The following FREM2 variants were observed in gnomAD, a reference collection of about 807,000 sequenced individuals.
FREM2 encodes the protein FRAS1-related extracellular matrix protein 2.
A neutral mutation model predicts 219.9 loss-of-function variants in FREM2; 119 were observed. The ratio of observed to expected loss-of-function variants is 0.54; its 90% CI spans 0.47 to 0.63. The LOEUF (loss-of-function observed/expected upper bound fraction) is 0.63. FREM2 is among the 30% of genes least tolerant of loss of function. The pLI, the probability that FREM2 is intolerant of heterozygous loss-of-function variation, is 0.00. For missense variants in FREM2, 4,030 were observed against 3,993.6 expected (o/e 1.01, Z -0.25); for synonymous variants, 1,562 against 1,522.8 (o/e 1.03, Z -0.60).
At chr13:38,768,683 G>T (rs1423920105) in intron 3 of FREM2, among the ~76,000 whole-genome samples, 1 of 152,186 alleles carries the variant, frequency 6.6e-6, no homozygotes, top group Non-Finnish European at 1.5e-5. Context: ...GACTCATTAA[G>T]AGGTTCTGGT....
chr13:38,719,905 T>C (rs1379777323), intron 2 of FREM2, among the ~76,000 whole-genome samples: 1 of 152,202 alleles, frequency 6.6e-6, no homozygotes, highest in African/African-American at 2.4e-5. Flanking sequence ...ACTTGCTGCC[T>C]GTCACAATAC....
chr13:38,801,798 G>T (rs1459731779), intron 6 of FREM2, among the ~76,000 whole-genome samples: 1 of 152,118 alleles, frequency 6.6e-6, no homozygotes, highest in African/African-American at 2.4e-5. Context: ...GGTCATGGTG[G>T]CCCAGTTCGT....
chr13:38,817,008 A>G (rs192644252), intron 6 of FREM2, among the ~76,000 whole-genome samples: 24 of 152,254 alleles, frequency 1.6e-4, no homozygotes, highest in Non-Finnish European at 2.9e-4. Context: ...AATTTAGTCA[A>G]GGAGGTGAAA....
At chr13:38,847,397 C>G (rs1877205842) in intron 7 of FREM2, among the ~76,000 whole-genome samples, 1 of 152,126 alleles carries the variant, frequency 6.6e-6, no homozygotes, top group Non-Finnish European at 1.5e-5. Context: ...TCACACAAAG[C>G]AAGCACAGGT....
chr13:38,795,305 T>C (rs993180532), intron 6 of FREM2, among the ~76,000 whole-genome samples: 118 of 146,790 alleles, frequency 8.0e-4, no homozygotes, highest in African/African-American at 2.8e-3. Flanking sequence ...GGATGAGGTG[T>C]CCTATATGGC....
chr13:38,841,264 A>C (rs1052626211), intron 6 of FREM2, among the ~76,000 whole-genome samples: 12 of 152,170 alleles, frequency 7.9e-5, no homozygotes, highest in Admixed American at 2.0e-4. Flanking sequence ...TAATACGCGG[A>C]TTGCTGACTC....
rs1877992590 is a variant in FREM2 at position 38,866,995 on chromosome 13, CT to C, written c.7983+2392del. On this transcript the variant is annotated intron_variant, in intron 16 of 23. Coordinates refer to ENST00000280481, the MANE Select transcript of FREM2 (RefSeq NM_207361.6). ...ATTTAGATCAGCTAAAGTGACTATA[CT>C]TTGCTAGATTTTTAAAATTCCAGTT... Among the ~76,000 whole-genome samples, 3 of 152,274 alleles carry C rather than the reference CT, an allele frequency of 2.0e-5. No homozygotes were observed. In the South Asian group the frequency reaches 6.2e-4, roughly 32 times the overall value.
At chr13:38,711,975 A>AGTG (rs1345256837) in intron 2 of FREM2, among the ~76,000 whole-genome samples, 1 of 136,118 alleles carries the variant, frequency 7.3e-6, no homozygotes, top group African/African-American at 2.9e-5. Context: ...GCTGGAGTGC[A>AGTG]GTGGTGTGAT....
Position 38,874,505 on chromosome 13 carries a change from C to A in FREM2, c.8200C>A (p.Arg2734Ser). 6.2e-7 allele frequency: 1 copy of A among 1,614,020 alleles called. No homozygotes were observed. The highest frequency in any genetic ancestry group is 8.5e-7 in the Non-Finnish European group (1 of 1,179,882). ...LQGSLYPTSM[R>S]IGDEGRLAVH... The stretch of plus-strand genomic sequence containing the variant: ...AGGTTCTCTCTATCCAACCAGCATG[C>A]GCATCGGTGATGAGGGGCGCTTGGC... The change falls in exon 18 of 24, where the codon CGC (arginine) becomes AGC (serine). Residue 2734 changes from arginine to serine, a missense_variant. Transcript: ENST00000280481.
chr13:38,718,003 A>G (rs1257878660), intron 2 of FREM2, among the ~76,000 whole-genome samples: 2 of 152,222 alleles, frequency 1.3e-5, no homozygotes, highest in Non-Finnish European at 2.9e-5. Flanking sequence ...CAAAACTAAA[A>G]ATAACCAACC....
chr13:38,855,005 T>C (rs186847872), intron 11 of FREM2, among the ~76,000 whole-genome samples: 109 of 152,298 alleles, frequency 7.2e-4, no homozygotes, highest in South Asian at 1.7e-3. Context: ...TCTTAAAAGG[T>C]ATAGTAAAAC....
chr13:38,809,713 A>G (rs1300281599), intron 6 of FREM2, among the ~76,000 whole-genome samples: 1 of 152,064 alleles, frequency 6.6e-6, no homozygotes, highest in Non-Finnish European at 1.5e-5. Flanking sequence ...AGTTAGTACC[A>G]TGCTGTTTTG....
At chr13:38,731,209 G>GAT (rs1018191251) in intron 2 of FREM2, among the ~76,000 whole-genome samples, 1 of 152,096 alleles carries the variant, frequency 6.6e-6, no homozygotes, top group Non-Finnish European at 1.5e-5. Flanking sequence ...TGAGGAAATA[G>GAT]ATATAAAATA....
At chr13:38,742,060 A>G (rs1449264702) in intron 2 of FREM2, among the ~76,000 whole-genome samples, 1 of 152,194 alleles carries the variant, frequency 6.6e-6, no homozygotes, top group East Asian at 1.9e-4. Flanking sequence ...AAATTACAAT[A>G]ATAATTAGAC....
chr13:38,870,175 A>G (rs1283335797), intron 16 of FREM2, among the ~76,000 whole-genome samples: 2 of 152,204 alleles, frequency 1.3e-5, no homozygotes, highest in African/African-American at 2.4e-5. Flanking sequence ...AGGCTGGAAT[A>G]TACTTGAGGT....
At chr13:38,717,434 T>TTTTTTG (rs1871053384) in intron 2 of FREM2, among the ~76,000 whole-genome samples, 1 of 148,362 alleles carries the variant, frequency 6.7e-6, no homozygotes, top group South Asian at 2.2e-4. Flanking sequence ...TTTTTTTTTT[T>TTTTTTG]GAGACTGTGT....
rs544113874 is a variant in FREM2, at chr13:38,822,559, C to G, written c.6020-24014C>G. ...TGGGTCTAGCGTGCACGGTCTGCAT[C>G]TCATAAACTGGTGGAATGCTGTCTG... On this transcript the variant is annotated intron_variant, in intron 6 of 23. Coordinates refer to ENST00000280481, the MANE Select transcript of FREM2 (RefSeq NM_207361.6). 8.5e-4 allele frequency among the ~76,000 whole-genome samples: 129 copies of G among 151,980 alleles called. 1 individual carries two copies. In the South Asian group the frequency reaches 0.014, roughly 16 times the overall value.
intron 6 of FREM2, among the ~76,000 whole-genome samples, chr13:38,797,946 C>T (rs1874858938): frequency 6.6e-6 from 1 of 151,814 alleles, no homozygotes; most frequent in Non-Finnish European, 1.5e-5. Flanking sequence ...ACTTTTTTTC[C>T]AGTTTTAATT....
Position 38,689,570 on chromosome 13 carries a change from G to A in FREM2, c.2226G>A (p.Val742=). Residue 742 remains valine, a synonymous_variant, in exon 1 of 24, where the codon GTG becomes GTA. Coordinates refer to ENST00000280481, the MANE Select transcript of FREM2 (RefSeq NM_207361.6). The part of the protein sequence containing the change: ...DTDDRELRYT[V]TQPPTDTDEN... ...ATGACCGAGAACTACGTTACACAGTGACTCAGCCCCCCACAGACACAGACG... is the reference window on the plus strand; with the variant it reads ...ATGACCGAGAACTACGTTACACAGTAACTCAGCCCCCCACAGACACAGACG... 6.2e-7 allele frequency: 1 copy of A among 1,612,838 alleles called. No homozygotes were observed. The highest frequency in any genetic ancestry group is 8.5e-7 in the Non-Finnish European group (1 of 1,179,200).
Sources: gnomAD v4.1 joint callset for allele counts (sites outside exome capture counted in the v4.1 genomes callset) on GRCh38, gnomAD v4.1.1 for gene constraint, MANE v1.5 for transcripts, NCBI Gene and HGNC (gene_info 2026-07-23, HGNC 2026-07-21) for gene names.